CHST11: variants seen among roughly 807,000 people sequenced by gnomAD.
CHST11 encodes the protein carbohydrate sulfotransferase 11.
Under a neutral mutation model 30.4 loss-of-function variants are expected in CHST11, and 9 were observed. The observed-to-expected ratio is 0.30, with a 90% CI of 0.18 to 0.52. The LOEUF (loss-of-function observed/expected upper bound fraction) is 0.52, where lower values mean the gene tolerates loss of function less well. Ranked by LOEUF, CHST11 falls within the 20% of genes least tolerant of loss-of-function variation. CHST11 has a pLI of 0.97. For synonymous variants in CHST11, 152 were observed against 187.8 expected (o/e 0.81, Z 1.56); for missense variants, 348 against 460.6 (o/e 0.76, Z 2.24).
At chr12:104,603,594 C>A (rs569372051) in intron 2 of CHST11, among the ~76,000 whole-genome samples, 36 of 152,278 alleles carry the variant, frequency 2.4e-4, no homozygotes, top group African/African-American at 8.2e-4. Flanking sequence ...GATGAGTTAT[C>A]TTTAGGGGTC....
chr12:104,712,564 C>T (rs2040096180), intron 2 of CHST11, among the ~76,000 whole-genome samples: 1 of 152,104 alleles, frequency 6.6e-6, no homozygotes, highest in Non-Finnish European at 1.5e-5. Context: ...TTCTCCCAGC[C>T]CCTGAACTCC....
intron 2 of CHST11, among the ~76,000 whole-genome samples, chr12:104,683,808 G>A (rs1304675791): frequency 1.3e-5 from 2 of 152,096 alleles, no homozygotes; most frequent in Non-Finnish European, 2.9e-5. Flanking sequence ...GGAATCTGTC[G>A]GTGAATAAAT....
intron 2 of CHST11, among the ~76,000 whole-genome samples, chr12:104,716,822 C>G (rs1391245064): frequency 6.6e-6 from 1 of 152,210 alleles, no homozygotes; most frequent in African/African-American, 2.4e-5. Context: ...GCTGCTGTAA[C>G]AAATTACTGC....
intron 2 of CHST11, among the ~76,000 whole-genome samples, chr12:104,712,671 T>A (rs2040097092): frequency 6.6e-6 from 1 of 152,200 alleles, no homozygotes; most frequent in Non-Finnish European, 1.5e-5. Context: ...AGAGAAATCC[T>A]GGTCGGCCAG....
chr12:104,755,933 G>A (rs1227567842), intron 2 of CHST11, among the ~76,000 whole-genome samples: 1 of 152,122 alleles, frequency 6.6e-6, no homozygotes, highest in African/African-American at 2.4e-5. Flanking sequence ...GGTTATGAAA[G>A]GGTGAGGAGT....
intron 2 of CHST11, among the ~76,000 whole-genome samples, chr12:104,626,578 CAAAAAAAAAA>C (rs34633763): frequency 1.3e-5 from 1 of 78,162 alleles, no homozygotes; most frequent in African/African-American, 3.7e-5. Flanking sequence ...CCTCCCCACC[CAAAAAAAAAA>C]AAAAAAAAAC....
intron 1 of CHST11, among the ~76,000 whole-genome samples, chr12:104,464,963 T>C (rs1378415720): frequency 6.6e-6 from 1 of 152,208 alleles, no homozygotes; most frequent in Non-Finnish European, 1.5e-5. Context: ...TTTTTTCACA[T>C]TTTAGTGATT....
At chr12:104,655,765 C>T (rs1038984297) in intron 2 of CHST11, among the ~76,000 whole-genome samples, 27 of 152,174 alleles carry the variant, frequency 1.8e-4, no homozygotes, top group Non-Finnish European at 3.7e-4. Flanking sequence ...GGGTGCTGTG[C>T]TCGTGTATAA....
chr12:104,694,291 T>C (rs911743518), intron 2 of CHST11, among the ~76,000 whole-genome samples: 1 of 152,056 alleles, frequency 6.6e-6, no homozygotes, highest in Admixed American at 6.5e-5. Context: ...CCACTTAACC[T>C]CTCTGAATCT....
chr12:104,526,604 AG>A (rs2038128554), intron 1 of CHST11, among the ~76,000 whole-genome samples: 1 of 152,162 alleles, frequency 6.6e-6, no homozygotes, highest in Admixed American at 6.5e-5. Context: ...TTGATGGGCC[AG>A]TGGGGGCACC....
chr12:104,502,429 A>G (rs1358040729), intron 1 of CHST11, among the ~76,000 whole-genome samples: 1 of 152,184 alleles, frequency 6.6e-6, no homozygotes, highest in Non-Finnish European at 1.5e-5. Context: ...GTTAATAAAG[A>G]TGTACATTTT....
chr12:104,544,445 G>A (rs575826813), intron 1 of CHST11, among the ~76,000 whole-genome samples: 6 of 152,176 alleles, frequency 3.9e-5, no homozygotes, highest in South Asian at 4.1e-4. Flanking sequence ...GGCCGGGCAC[G>A]GTGGCTTACA....
intron 1 of CHST11, among the ~76,000 whole-genome samples, chr12:104,547,492 A>G (rs2038362922): frequency 6.6e-6 from 1 of 152,208 alleles, no homozygotes; most frequent in Non-Finnish European, 1.5e-5. Context: ...CAGGGAGCAG[A>G]GTGTAGGCAG....
At chr12:104,587,907 A>T (rs901670402) in intron 1 of CHST11, among the ~76,000 whole-genome samples, 44 of 147,014 alleles carry the variant, frequency 3.0e-4, no homozygotes, top group African/African-American at 1.0e-3. Context: ...TAGGTTTTTT[A>T]AAATGCTCTA....
intron 2 of CHST11, among the ~76,000 whole-genome samples, chr12:104,713,576 G>T (rs1315634875): frequency 1.3e-5 from 2 of 152,112 alleles, no homozygotes; most frequent in African/African-American, 2.4e-5. Context: ...GCAGCTAAAG[G>T]GTAGGTAACA....
rs532807702 is a variant in CHST11 at position 104,686,297 on chromosome 12, A to G, written c.205-70652A>G. ...TTGACCTGACTTTTCCTAGGAGTCT[A>G]ATGGACAGCTGCTTAGCCGCTGATC... is the stretch of plus-strand genomic sequence containing the variant. On this transcript the variant is annotated intron_variant, in intron 2 of 2. Transcript: ENST00000303694. 1.9e-4 allele frequency among the ~76,000 whole-genome samples: 28 copies of G among 149,440 alleles called. No homozygotes were observed. The East Asian group carries it at 5.4e-3, about 29-fold the overall frequency.
At chr12:104,577,968 T>G (rs2038701748) in intron 1 of CHST11, among the ~76,000 whole-genome samples, 1 of 152,168 alleles carries the variant, frequency 6.6e-6, no homozygotes, top group East Asian at 1.9e-4. Flanking sequence ...TTGGGTTTAT[T>G]TCTGTGGTTA....
chr12:104,539,321 G>A (rs1335650792), intron 1 of CHST11, among the ~76,000 whole-genome samples: 2 of 152,088 alleles, frequency 1.3e-5, no homozygotes, highest in African/African-American at 2.4e-5. Context: ...AATAATATTG[G>A]TACCTCCCTG....
At chr12:104,470,687 C>T (rs56380349) in intron 1 of CHST11, among the ~76,000 whole-genome samples, 17,612 of 152,216 alleles carry the variant, frequency 0.12, 1,047 homozygotes, top group Middle Eastern at 0.16. Context: ...CCTATTTAAT[C>T]CCCACCACAA....
Sources: gnomAD v4.1 joint callset for allele counts (sites outside exome capture counted in the v4.1 genomes callset) on GRCh38, gnomAD v4.1.1 for gene constraint, MANE v1.5 for transcripts, NCBI Gene and HGNC (gene_info 2026-07-23, HGNC 2026-07-21) for gene names.